The following BMPR1A variants were observed in gnomAD, a reference collection of about 807,000 sequenced individuals.
BMPR1A encodes bone morphogenetic protein receptor type-1A.
BMPR1A carries 7 observed loss-of-function variants against 66.0 expected under a neutral mutation model. The observed-to-expected ratio is 0.11, with a 90% CI of 0.06 to 0.20. The LOEUF (loss-of-function observed/expected upper bound fraction) is 0.20. BMPR1A is among the 10% of genes least tolerant of loss of function. The probability of loss-of-function intolerance (pLI) is 1.00; values close to 1 mark genes in which losing one functional copy is unlikely to be tolerated. For missense variants in BMPR1A, 408 were observed against 669.1 expected (o/e 0.61, Z 4.31); for synonymous variants, 200 against 229.7 (o/e 0.87, Z 1.17).
Position 86,759,269 on chromosome 10 carries a change from C to T in BMPR1A, c.-268+2350C>T, listed in dbSNP as rs79506633. ...TTCTGCCTTCTGTTTCTTCTTTCCT[C>T]TTTAATATGCGTTCTCCAAGTTTCA... On this transcript the variant is annotated intron_variant, in intron 1 of 12. Transcript: ENST00000372037. Among the ~76,000 whole-genome samples the T allele has an allele frequency of 9.1e-3, 1,389 of 152,298 alleles. 20 individuals are homozygous for T. Among genetic ancestry groups the T allele is most frequent in the African/African-American group, 0.032 (1,319 of 41,570 alleles).
intron 3 of BMPR1A, among the ~76,000 whole-genome samples, chr10:86,882,567 A>T (rs1007632315): frequency 8.6e-5 from 13 of 152,020 alleles, no homozygotes; most frequent in African/African-American, 2.7e-4. Flanking sequence ...GGGCCCAAAG[A>T]GGACTTTTTG....
chr10:86,854,752 A>C (rs1842616729), intron 2 of BMPR1A: 1 of 236,360 alleles, frequency 4.2e-6, no homozygotes, highest in Non-Finnish European at 9.3e-6. Flanking sequence ...CCTCTATAAA[A>C]CTCCCTGATC....
downstream of BMPR1A, chr10:86,928,161 C>G (rs1843770643): frequency 6.4e-6 from 1 of 156,580 alleles, no homozygotes; most frequent in Non-Finnish European, 1.4e-5. Flanking sequence ...ACTTCTAAAC[C>G]TATCACGGTG....
chr10:86,858,109 GTATTAATT>G (rs1277806062), intron 2 of BMPR1A, among the ~76,000 whole-genome samples: 3 of 152,100 alleles, frequency 2.0e-5, no homozygotes, highest in East Asian at 3.9e-4. Flanking sequence ...ATATGAATTA[GTATTAATT>G]TATTAATTCA....
intron 2 of BMPR1A, among the ~76,000 whole-genome samples, chr10:86,863,704 T>TCA (rs993423416): frequency 1.3e-5 from 2 of 152,156 alleles, no homozygotes; most frequent in Non-Finnish European, 2.9e-5. Flanking sequence ...AGTGACTTTG[T>TCA]CACTGCAGGG....
At chr10:86,868,326 C>T (rs910050012) in intron 2 of BMPR1A, among the ~76,000 whole-genome samples, 1 of 152,228 alleles carries the variant, frequency 6.6e-6, no homozygotes, top group Non-Finnish European at 1.5e-5. Flanking sequence ...TTGTTTTCTA[C>T]ACTGATGTAA....
chr10:86,916,409 C>G (rs1417651904), intron 8 of BMPR1A, among the ~76,000 whole-genome samples: 1 of 152,190 alleles, frequency 6.6e-6, no homozygotes, highest in Non-Finnish European at 1.5e-5. Flanking sequence ...CACCCTTGGC[C>G]GACAGTTCAT....
chr10:86,874,054 T>TCA (rs1842886389), intron 2 of BMPR1A, among the ~76,000 whole-genome samples: 1 of 152,190 alleles, frequency 6.6e-6, no homozygotes, highest in South Asian at 2.1e-4. Context: ...AATGTAGAAA[T>TCA]CACACCAGGG....
chr10:86,860,843 T>C (rs1162631645), intron 2 of BMPR1A, among the ~76,000 whole-genome samples: 1 of 142,780 alleles, frequency 7.0e-6, no homozygotes, highest in African/African-American at 2.6e-5. Context: ...CCATAGAACT[T>C]TTTTTTTTTT....
chr10:86,763,556 GA>G (rs1841108968), intron 1 of BMPR1A, among the ~76,000 whole-genome samples: 1 of 152,190 alleles, frequency 6.6e-6, no homozygotes, highest in African/African-American at 2.4e-5. Flanking sequence ...TGGTCCTAAT[GA>G]CATCACTGGA....
intron 1 of BMPR1A, among the ~76,000 whole-genome samples, chr10:86,827,600 C>G (rs1416775132): frequency 6.6e-6 from 1 of 152,132 alleles, no homozygotes; most frequent in Non-Finnish European, 1.5e-5. Context: ...ATCAGCTTTA[C>G]TAGGTATGGC....
At chr10:86,905,420 C>T (rs1336290890) in intron 7 of BMPR1A, among the ~76,000 whole-genome samples, 2 of 152,184 alleles carry the variant, frequency 1.3e-5, no homozygotes, top group Non-Finnish European at 2.9e-5. Context: ...CGTTTACTTA[C>T]TCATGCATAT....
intron 1 of BMPR1A, among the ~76,000 whole-genome samples, chr10:86,805,387 C>T (rs964306342): frequency 1.3e-5 from 2 of 151,324 alleles, no homozygotes; most frequent in Non-Finnish European, 2.9e-5. Flanking sequence ...TACACACACA[C>T]ACACACACAC....
rs1412854689 is a variant in BMPR1A at position 86,796,611 on chromosome 10, C to G, written c.-268+39692C>G. On this transcript the variant is annotated intron_variant, in intron 1 of 12. Transcript: ENST00000372037. Reference sequence around the variant, plus strand: ...TTGTTTTTTGAGACAGAATCTCTCTCTGTTGCCCAGGCTGGAGTACAGTGG... The same window carrying G: ...TTGTTTTTTGAGACAGAATCTCTCTGTGTTGCCCAGGCTGGAGTACAGTGG... Among the ~76,000 whole-genome samples the G allele has an allele frequency of 1.5e-4, 23 of 151,468 alleles. 1 individual carries two copies. Among genetic ancestry groups the G allele is most frequent in the Admixed American group, 1.5e-3 (23 of 15,178 alleles).
chr10:86,763,689 A>ATTAATTTTTTT (rs889844065), intron 1 of BMPR1A, among the ~76,000 whole-genome samples: 2 of 151,208 alleles, frequency 1.3e-5, no homozygotes, highest in Admixed American at 6.6e-5. Context: ...TTTTTTGAGC[A>ATTAATTTTTTT]TTAATTTTTT....
chr10:86,878,418 C>T (rs549967207), intron 3 of BMPR1A, among the ~76,000 whole-genome samples: 1 of 152,192 alleles, frequency 6.6e-6, no homozygotes, highest in South Asian at 2.1e-4. Context: ...ACAAATTTTA[C>T]AACAGGATAT....
chr10:86,763,170 A>G (rs904808426), intron 1 of BMPR1A, among the ~76,000 whole-genome samples: 2 of 152,162 alleles, frequency 1.3e-5, no homozygotes, highest in East Asian at 1.9e-4. Context: ...CTGGGATTAC[A>G]GGCATGAGCC....
intron 1 of BMPR1A, among the ~76,000 whole-genome samples, chr10:86,831,536 A>G (rs1171300912): frequency 6.6e-6 from 1 of 152,240 alleles, no homozygotes; most frequent in African/African-American, 2.4e-5. Flanking sequence ...CAGAAGGATC[A>G]CTTGAGCCCA....
At chr10:86,837,247 C>CTGTG (rs71019433) in intron 1 of BMPR1A, among the ~76,000 whole-genome samples, 38,155 of 138,020 alleles carry the variant, frequency 0.28, 5,131 homozygotes, top group Admixed American at 0.36. Context: ...GTGTGTGTGT[C>CTGTG]TGTGTGTGTG....
Sources: allele counts gnomAD v4.1 joint callset (sites outside exome capture counted in the v4.1 genomes callset), GRCh38; gene constraint gnomAD v4.1.1; transcripts MANE v1.5; gene names NCBI Gene and HGNC (gene_info 2026-07-23, HGNC 2026-07-21).